Variants in NADK observed in about 807,000 individuals in gnomAD.
NADK encodes the protein poly(P)/ATP NAD kinase.
A neutral mutation model predicts 49.8 loss-of-function variants in NADK; 22 were observed. That is an observed-to-expected ratio of 0.44 (90% CI 0.32 to 0.63). NADK has a LOEUF of 0.63. Ranked by LOEUF, NADK falls within the 30% of genes least tolerant of loss-of-function variation. The pLI is 0.06. For missense variants in NADK, 438 were observed against 609.4 expected (o/e 0.72, Z 2.96); for synonymous variants, 268 against 253.7 (o/e 1.06, Z -0.54).
intron 10 of NADK, 46 bp from the exon 11 acceptor site, chr1:1,753,695 G>A (rs1490687887): frequency 6.6e-7 from 1 of 1,524,764 alleles, no homozygotes; most frequent in African/African-American, 1.4e-5. Context: ...CTGTGGGGAG[G>A]ACGCTTCTAG....
chr1:1,758,222 T>G, intron 3 of NADK: 1 of 922,928 alleles, frequency 1.1e-6, no homozygotes, highest in Non-Finnish European at 1.6e-6. Context: ...CTGCCTGCCA[T>G]GCCTCTTCCC....
chr1:1,756,776 G>A, intron 4 of NADK, 168 bp from the exon 5 acceptor site: 1 of 1,189,952 alleles, frequency 8.4e-7, no homozygotes, highest in Non-Finnish European at 1.2e-6. Flanking sequence ...GAGGAAGCAG[G>A]ACCTTTAAGA....
intron 2 of NADK, among the ~76,000 whole-genome samples, chr1:1,764,258 C>G (rs921568250): frequency 2.0e-5 from 3 of 152,250 alleles, no homozygotes; most frequent in Admixed American, 6.5e-5. Flanking sequence ...CCTTGTTAGG[C>G]AGCGCCGGCT....
chr1:1,758,386 G>A, intron 3 of NADK: 1 of 1,610,992 alleles, frequency 6.2e-7, no homozygotes, highest in Non-Finnish European at 8.5e-7. Context: ...ATTACTGGGA[G>A]GCGTGGGGTC....
intron 1 of NADK, among the ~76,000 whole-genome samples, chr1:1,771,090 A>G (rs1218899222): frequency 1.4e-5 from 2 of 147,440 alleles, no homozygotes; most frequent in East Asian, 3.9e-4. Flanking sequence ...ACACACACAC[A>G]TATATTATTA....
intron 4 of NADK, chr1:1,756,863 C>A: frequency 1.2e-6 from 1 of 812,272 alleles, no homozygotes; most frequent in Non-Finnish European, 2.2e-6. Flanking sequence ...CTGGGCGCCG[C>A]AACCCCCACG....
chr1:1,773,809 G>A (rs1245690147), intron 1 of NADK, among the ~76,000 whole-genome samples: 1 of 151,760 alleles, frequency 6.6e-6, no homozygotes, highest in Admixed American at 6.6e-5. Context: ...GTGCAGTGGT[G>A]CAATTACAGC....
At chr1:1,758,475 C>T in intron 3 of NADK, 1 of 1,612,330 alleles carries the variant, frequency 6.2e-7, no homozygotes, top group South Asian at 1.1e-5. Context: ...CTGCTGGGAG[C>T]CGGCCAGTGT....
At chr1:1,756,723 GC>G (rs1347504423) in intron 4 of NADK, 115 bp from the exon 5 acceptor site, 14 of 1,545,168 alleles carry the variant, frequency 9.1e-6, no homozygotes, top group South Asian at 1.1e-5. Flanking sequence ...CTGCATGCCC[GC>G]CCCCCCACGC....
chr1:1,775,356 A>G (rs1014905834), intron 1 of NADK, among the ~76,000 whole-genome samples: 1 of 152,222 alleles, frequency 6.6e-6, no homozygotes, highest in Admixed American at 6.5e-5. Flanking sequence ...AGGAAAATTT[A>G]TTTAGTGACA....
At chr1:1,774,144 C>A (rs1006501868) in intron 1 of NADK, among the ~76,000 whole-genome samples, 2 of 151,304 alleles carry the variant, frequency 1.3e-5, no homozygotes, top group African/African-American at 4.9e-5. Flanking sequence ...ATTATCTTCA[C>A]CTATGTATGT....
At chr1:1,756,700 C>T in intron 4 of NADK, 92 bp from the exon 5 acceptor site, 1 of 1,596,824 alleles carries the variant, frequency 6.3e-7, no homozygotes, top group Non-Finnish European at 8.5e-7. Context: ...GGTCAGAGAC[C>T]TGGCATCGTG....
intron 6 of NADK, 80 bp from the exon 7 acceptor site, chr1:1,755,556 G>A: frequency 9.7e-7 from 1 of 1,034,172 alleles, no homozygotes; most frequent in South Asian, 1.3e-5. Context: ...CACCTCAGGA[G>A]GGACCCAGCT....
chr1:1,770,107 G>A (rs1646004058), intron 1 of NADK, among the ~76,000 whole-genome samples: 2 of 152,062 alleles, frequency 1.3e-5, no homozygotes, highest in South Asian at 4.2e-4. Flanking sequence ...CCTATGAGGT[G>A]GAGGGTGCAG....
chr1:1,764,277 C>T (rs146153198), intron 2 of NADK, among the ~76,000 whole-genome samples: 30 of 152,354 alleles, frequency 2.0e-4, no homozygotes, highest in African/African-American at 7.0e-4. Context: ...CTCTGGCAAG[C>T]TTCCACCTAA....
chr1:1,753,653 AGGGTCAAGCAG>A lies in NADK; in HGVS notation c.1102-15_1102-5del. The A allele has an allele frequency of 6.2e-7, 1 of 1,601,908 alleles. No homozygotes were observed. The highest frequency in any genetic ancestry group is 8.5e-7 in the Non-Finnish European group (1 of 1,172,426). On this transcript the variant is annotated splice_region_variant and splice_polypyrimidine_tract_variant and intron_variant, in intron 10 of 11. Transcript: ENST00000341426. Reference sequence around the variant, plus strand: ...TTGCTTCAGGTGACAGCATGATCTGAGGGTCAAGCAGGGAGAGGTGTGGGCCCCCAGCTGTG... The same window carrying A: ...TTGCTTCAGGTGACAGCATGATCTGAGGAGAGGTGTGGGCCCCCAGCTGTG...
chr1:1,773,460 G>A (rs72634845), intron 1 of NADK, among the ~76,000 whole-genome samples: 59,145 of 148,442 alleles, frequency 0.4, 14,059 homozygotes, highest in Admixed American at 0.55. Context: ...AAAATAAACA[G>A]TTAATAAAGG....
chr1:1,774,667 C>T (rs550864098), intron 1 of NADK, among the ~76,000 whole-genome samples: 1 of 152,180 alleles, frequency 6.6e-6, no homozygotes, highest in South Asian at 2.1e-4. Context: ...GGCCACCGTG[C>T]GCGGTCACCA....
Position 1,778,306 on chromosome 1 carries a change from G to A in NADK, c.-58C>T, listed in dbSNP as rs1646273245. The A allele has an allele frequency of 6.6e-6, 1 of 151,478 alleles. No homozygotes were observed. The highest frequency in any genetic ancestry group is 6.6e-5 in the Admixed American group (1 of 15,200). The allele number at this position is 151,478 out of a possible 1,614,324, so 9.4% of individuals were successfully genotyped here. Reference sequence around the variant, plus strand: ...TCACTCACCGTTCGCTGCCGCGGGCGCCTGCGGGGGCGTCTACATGCCGGA... The same window carrying A: ...TCACTCACCGTTCGCTGCCGCGGGCACCTGCGGGGGCGTCTACATGCCGGA... On this transcript the variant is annotated 5_prime_UTR_variant, in exon 1 of 12. Transcript: ENST00000341426. The surrounding 1 kb of genome is among the most constrained non-coding windows in gnomAD (Gnocchi z 4.9).
Sources: gnomAD v4.1 joint callset for allele counts (sites outside exome capture counted in the v4.1 genomes callset) on GRCh38, gnomAD v4.1.1 for gene constraint, Gnocchi (gnomAD v3.1) non-coding constraint, MANE v1.5 for transcripts, NCBI Gene and HGNC (gene_info 2026-07-23, HGNC 2026-07-21) for gene names.